Variants in STXBP5 observed in about 807,000 individuals in gnomAD.
STXBP5 encodes syntaxin binding protein 5, also known as syntaxin-binding protein 5.
A neutral mutation model predicts 152.4 loss-of-function variants in STXBP5; 50 were observed. The ratio of observed to expected loss-of-function variants is 0.33; its 90% confidence interval spans 0.26 to 0.42. STXBP5 has a LOEUF of 0.42. Ranked by LOEUF, STXBP5 falls within the 10% of genes least tolerant of loss-of-function variation. The probability of loss-of-function intolerance (pLI) is 1.00; values close to 1 mark genes in which losing one functional copy is unlikely to be tolerated. For missense variants in STXBP5, 1,167 were observed against 1,388.6 expected, an observed-to-expected ratio of 0.84 and a Z score of 2.54; for synonymous variants, 492 against 494.7, an observed-to-expected ratio of 0.99 and a Z score of 0.07.
intron 9 of STXBP5, among the ~76,000 whole-genome samples, chr6:147,306,015 A>G (rs1312388526): frequency 1.3e-5 from 2 of 152,230 alleles, no homozygotes; most frequent in Non-Finnish European, 2.9e-5. Flanking sequence ...ACATGGAGAT[A>G]TTGAATAATA....
At chr6:147,334,302 A>G in intron 19 of STXBP5, 80 bp downstream of exon 19, 1 of 1,296,442 alleles carries the variant, frequency 7.7e-7, no homozygotes, top group South Asian at 1.4e-5. Context: ...ATTTTGATAG[A>G]TATGCATTTA....
chr6:147,249,206 G>T (rs920247331), intron 4 of STXBP5, among the ~76,000 whole-genome samples: 1 of 151,798 alleles, frequency 6.6e-6, no homozygotes, highest in Non-Finnish European at 1.5e-5. Flanking sequence ...TAATAAATGG[G>T]TATTCTTTTA....
At chr6:147,346,373 T>C (rs938527409) in intron 21 of STXBP5, among the ~76,000 whole-genome samples, 1 of 152,156 alleles carries the variant, frequency 6.6e-6, no homozygotes, top group African/African-American at 2.4e-5. Context: ...CTACTTCTTG[T>C]AGTGGTCTTG....
At chr6:147,367,625 G>A (rs1225222992) in intron 25 of STXBP5, among the ~76,000 whole-genome samples, 1 of 151,968 alleles carries the variant, frequency 6.6e-6, no homozygotes, top group Admixed American at 6.6e-5. Context: ...GTGACAAAGC[G>A]AGATTCTGTC....
Position 147,204,628 on chromosome 6 carries a change from C to G in STXBP5, c.96C>G (p.Asn32Lys), listed in dbSNP as rs764908170. Residue 32 changes from asparagine (N) to lysine (K), a missense_variant, in exon 1 of 28, where the codon AAC becomes AAG. Asn to Lys is a moderately conservative substitution (Grantham distance 94). Around this residue, in one of 3 missense-constraint regions of STXBP5, gnomAD observed 310 missense variants for 346.1 expected, o/e 0.90. Coordinates refer to ENST00000321680, the MANE Select transcript of STXBP5 (RefSeq NM_001127715.4). This position sits in a 1 kb window ranked among gnomAD's most constrained non-coding sequence, Gnocchi z 4.3. ...AACAGCAGCAGCATCCGCCTGGGAA[C>G]CGGGAGCCGGAGATCCAGGAAACGC... ...QQQQQQHPPG[N>K]REPEIQETLQ... The G allele has an allele frequency of 4.3e-6, 7 of 1,610,506 alleles. No individual in the cohort carries two copies. Among genetic ancestry groups the G allele is most frequent in the Non-Finnish European group, 5.1e-6 (6 of 1,178,304 alleles).
At chr6:147,220,235 C>G (rs1777392759) in intron 2 of STXBP5, among the ~76,000 whole-genome samples, 7 of 152,068 alleles carry the variant, frequency 4.6e-5, no homozygotes, top group Admixed American at 4.6e-4. Context: ...GTTCCAAGAG[C>G]AGACATTGTA....
At chr6:147,318,165 A>C (rs1391718082) in intron 16 of STXBP5, among the ~76,000 whole-genome samples, 1 of 152,196 alleles carries the variant, frequency 6.6e-6, no homozygotes, top group Admixed American at 6.5e-5. Context: ...ACCTGAAGAA[A>C]AAACACCATC....
chr6:147,272,719 A>G (rs1582873960), intron 7 of STXBP5, among the ~76,000 whole-genome samples: 1 of 152,196 alleles, frequency 6.6e-6, no homozygotes, highest in African/African-American at 2.4e-5. Flanking sequence ...ATTAAATGAC[A>G]TAACAATTTA....
chr6:147,246,956 G>T, intron 4 of STXBP5, among the ~76,000 whole-genome samples: 1 of 152,136 alleles, frequency 6.6e-6, no homozygotes, highest in East Asian at 1.9e-4. Flanking sequence ...AATGTATATA[G>T]AAACGAAAAC....
intron 22 of STXBP5, among the ~76,000 whole-genome samples, chr6:147,353,719 T>C (rs1784693053): frequency 6.6e-6 from 1 of 152,184 alleles, no homozygotes; most frequent in African/African-American, 2.4e-5. Flanking sequence ...TTTTGAACTT[T>C]ATAAAATTAT....
intron 9 of STXBP5, among the ~76,000 whole-genome samples, chr6:147,305,619 G>A (rs925091774): frequency 2.0e-5 from 3 of 152,116 alleles, no homozygotes; most frequent in African/African-American, 7.2e-5. Context: ...ATAGGAGAGT[G>A]TGAATTTCTA....
At position 147,328,755 on chromosome 6, in the gene STXBP5, A is replaced by G. The variant is rs56989474; in HGVS notation, c.2080+1479A>G. 1,362 of 470,998 alleles carry G rather than the reference A, an allele frequency of 2.9e-3. 16 individuals are homozygous for G. Among genetic ancestry groups the G allele is most frequent in the African/African-American group, 0.025 (1,256 of 50,176 alleles). The allele number at this position is 470,998 out of a possible 1,614,324, so 29.2% of individuals were successfully genotyped here. A position where few individuals can be genotyped will look rare whatever the true frequency, so the allele number is the denominator to read the frequency against. On this transcript the variant is annotated intron_variant, in intron 18 of 27. Transcript: ENST00000321680. ...CCTTTCTAGCTTATATTCTGAATCT[A>G]TGAAAAAACTACGTTCTTCTTTTTT... is the stretch of plus-strand genomic sequence containing the variant.
At chr6:147,297,899 C>T (rs1288193469) in intron 9 of STXBP5, among the ~76,000 whole-genome samples, 1 of 146,980 alleles carries the variant, frequency 6.8e-6, no homozygotes, top group African/African-American at 2.5e-5. Flanking sequence ...AACTTAGTAC[C>T]ATAGAAAAAC....
intron 9 of STXBP5, among the ~76,000 whole-genome samples, chr6:147,306,643 G>A (rs1318483325): frequency 6.6e-6 from 1 of 152,184 alleles, no homozygotes; most frequent in Non-Finnish European, 1.5e-5. Flanking sequence ...CTGTCCTGCA[G>A]TCCCAATGGC....
rs1274695920 is a variant in STXBP5, at chr6:147,204,911, G to A, written c.150+229G>A. 6.6e-6 allele frequency among the ~76,000 whole-genome samples: 1 copy of A among 152,116 alleles called. No individual in the cohort carries two copies. Among genetic ancestry groups the A allele is most frequent in the Admixed American group, 6.5e-5 (1 of 15,272 alleles). The stretch of plus-strand genomic sequence containing the variant: ...ATTTTTCTCTCTCCCCTTTGCACAT[G>A]CAGCAATCAGTTCAAGGTTGCTTCA... On this transcript the variant is annotated intron_variant, in intron 1 of 27. Transcript: ENST00000321680. The surrounding 1 kb of genome is among the most constrained non-coding windows in gnomAD (Gnocchi z 4.3).
intron 17 of STXBP5, 106 bp from the exon 18 acceptor site, chr6:147,327,019 T>A: frequency 9.7e-7 from 1 of 1,026,242 alleles, no homozygotes; most frequent in Non-Finnish European, 1.4e-6. Context: ...TTCAAAGAAT[T>A]TTCTGAAAGA....
At chr6:147,369,473 C>T (rs1253567752) in intron 25 of STXBP5, among the ~76,000 whole-genome samples, 2 of 151,902 alleles carry the variant, frequency 1.3e-5, no homozygotes, top group Non-Finnish European at 2.9e-5. Context: ...ATAACTTCAA[C>T]AAAACTTAAA....
At chr6:147,268,374 G>A (rs1284125512) in intron 7 of STXBP5, among the ~76,000 whole-genome samples, 1 of 152,164 alleles carries the variant, frequency 6.6e-6, no homozygotes, top group Non-Finnish European at 1.5e-5. Flanking sequence ...AAATGTGTAA[G>A]TGGTTGTTTA....
intron 2 of STXBP5, among the ~76,000 whole-genome samples, chr6:147,217,379 A>G (rs1441654297): frequency 2.0e-5 from 3 of 152,242 alleles, no homozygotes; most frequent in Non-Finnish European, 4.4e-5. Context: ...AGCTGTTTTT[A>G]CTTATATGTG....
Sources: allele counts gnomAD v4.1 joint callset (sites outside exome capture counted in the v4.1 genomes callset), GRCh38; gene constraint gnomAD v4.1.1; regional missense constraint gnomAD v4.1.1; non-coding constraint Gnocchi (gnomAD v3.1); transcripts MANE v1.5; gene names NCBI Gene and HGNC (gene_info 2026-07-23, HGNC 2026-07-21).